ABCB7: variants seen among roughly 807,000 people sequenced by gnomAD.
ABCB7 encodes ATP binding cassette subfamily B member 7, also known as iron-sulfur clusters transporter ABCB7, mitochondrial.
Under a neutral mutation model 54.4 loss-of-function variants are expected in ABCB7, and 7 were observed. The ratio of observed to expected loss-of-function variants is 0.13; its 90% CI spans 0.07 to 0.24. The LOEUF is 0.24. ABCB7 is among the 10% of genes least tolerant of loss of function. The pLI, the probability that ABCB7 is intolerant of heterozygous loss-of-function variation, is 1.00. For synonymous variants in ABCB7, 218 were observed against 207.1 expected, an observed-to-expected ratio of 1.05 and a Z score of -0.45; for missense variants, 356 against 570.4, an observed-to-expected ratio of 0.62 and a Z score of 3.83.
At chrX:75,054,380 C>G (rs901631494) in intron 15 of ABCB7, among the ~76,000 whole-genome samples, 3 of 111,804 alleles carry the variant, frequency 2.7e-5, no homozygotes, top group African/African-American at 9.8e-5. Flanking sequence ...TACGGAGATT[C>G]AACACTCATA....
Position 75,073,997 on chromosome X carries a change from T to C in ABCB7, c.856-41A>G, listed in dbSNP as rs1403777746. 4 of 1,064,733 alleles carry C rather than the reference T, an allele frequency of 3.8e-6. No homozygotes were observed. The South Asian group carries it at 5.7e-5, about 15-fold the overall frequency. 87.7% of individuals were successfully genotyped at this position (1,064,733 alleles called of 1,213,427 possible). A position where few individuals can be genotyped will look rare whatever the true frequency, so the allele number is the denominator to read the frequency against. ...CAAAGAAGAAACGTGAAACAGTTAT[T>C]GTTCTTCCCAAACAGTTTGTAATAC... is the stretch of plus-strand genomic sequence containing the variant. On this transcript the variant is annotated intron_variant, in intron 6 of 15. Transcript: ENST00000373394.
intron 4 of ABCB7, among the ~76,000 whole-genome samples, chrX:75,082,492 G>C (rs147791667): frequency 0.022 from 2,417 of 111,836 alleles, 73 homozygotes; most frequent in African/African-American, 0.074. Flanking sequence ...GGAATATCAG[G>C]AATGAAGGAA....
At chrX:75,132,820 A>C (rs1044116218) in intron 1 of ABCB7, among the ~76,000 whole-genome samples, 2 of 112,402 alleles carry the variant, frequency 1.8e-5, no homozygotes, top group Non-Finnish European at 3.8e-5. Flanking sequence ...CAGCCCTTTG[A>C]AAACGTCCAG....
At chrX:75,077,890 A>G (rs1415040505) in intron 4 of ABCB7, among the ~76,000 whole-genome samples, 5 of 109,358 alleles carry the variant, frequency 4.6e-5, no homozygotes, top group Non-Finnish European at 9.5e-5. Context: ...GTAGCCATAT[A>G]ACCTTAGGTT....
intron 12 of ABCB7, among the ~76,000 whole-genome samples, chrX:75,067,623 T>C (rs923016691): frequency 3.6e-5 from 4 of 110,998 alleles, no homozygotes; most frequent in Non-Finnish European, 7.6e-5. Flanking sequence ...TAGCTAGGAT[T>C]ACAGACACCT....
chrX:75,087,226 T>C (rs1318568444), intron 4 of ABCB7, among the ~76,000 whole-genome samples: 1 of 111,639 alleles, frequency 9.0e-6, no homozygotes, highest in Non-Finnish European at 1.9e-5. Flanking sequence ...TTAAATTCTT[T>C]CCTGCACGAA....
rs186735573 is a variant in ABCB7, at chrX:75,098,678, T to C, written c.453+264A>G. On this transcript the variant is annotated intron_variant, in intron 4 of 15. Transcript: ENST00000373394. ...AAAGCTTCTTTTACAAAGGTGCTTATGCTTTGTTACAATCAATGCTCCTAT... is the reference window on the plus strand; with the variant it reads ...AAAGCTTCTTTTACAAAGGTGCTTACGCTTTGTTACAATCAATGCTCCTAT... Among the ~76,000 whole-genome samples, 75 of 111,946 alleles carry C rather than the reference T, an allele frequency of 6.7e-4. No homozygotes were observed. In the East Asian group the frequency reaches 0.019, roughly 29 times the overall value.
intron 12 of ABCB7, among the ~76,000 whole-genome samples, chrX:75,068,436 CAGTA>C (rs2081339064): frequency 8.9e-6 from 1 of 111,906 alleles, no homozygotes; most frequent in African/African-American, 3.2e-5. Flanking sequence ...CAAAGTAACA[CAGTA>C]AGTGTTTATT....
At chrX:75,084,383 T>C (rs2081479734) in intron 4 of ABCB7, among the ~76,000 whole-genome samples, 2 of 111,728 alleles carry the variant, frequency 1.8e-5, no homozygotes, top group Admixed American at 1.9e-4. Context: ...AAAAATTCAA[T>C]TTGGTGTTGG....
At chrX:75,126,177 T>G (rs1426459371) in intron 1 of ABCB7, among the ~76,000 whole-genome samples, 2 of 111,498 alleles carry the variant, frequency 1.8e-5, no homozygotes, top group African/African-American at 6.5e-5. Context: ...AACTTTAAAT[T>G]ATCCCACCAA....
intron 4 of ABCB7, among the ~76,000 whole-genome samples, chrX:75,092,377 A>G (rs1319677412): frequency 9.1e-6 from 1 of 110,419 alleles, no homozygotes; most frequent in Non-Finnish European, 1.9e-5. Context: ...ATGCCAATGG[A>G]AAAAAAAAGG....
intron 12 of ABCB7, among the ~76,000 whole-genome samples, chrX:75,067,458 T>A (rs2147459349): frequency 1.8e-5 from 2 of 111,145 alleles, no homozygotes; most frequent in South Asian, 7.7e-4. Flanking sequence ...TGACACACAG[T>A]TTAGATTAGT....
chrX:75,081,628 C>A (rs1436542791), intron 4 of ABCB7, among the ~76,000 whole-genome samples: 2 of 112,116 alleles, frequency 1.8e-5, no homozygotes, highest in Non-Finnish European at 3.8e-5. Context: ...CAAAGTTTTT[C>A]TGAAGAAATT....
intron 1 of ABCB7, among the ~76,000 whole-genome samples, chrX:75,137,700 TA>T (rs993391527): frequency 1.8e-5 from 2 of 111,913 alleles, no homozygotes; most frequent in African/African-American, 6.5e-5. Flanking sequence ...CACATAGCCA[TA>T]AAAAAATGAT....
intron 10 of ABCB7, among the ~76,000 whole-genome samples, 183 bp from the exon 11 acceptor site, chrX:75,069,637 A>G (rs1038554477): frequency 2.7e-5 from 3 of 111,173 alleles, no homozygotes; most frequent in African/African-American, 9.8e-5. Context: ...TGGCTAAGGT[A>G]AAACAAACCC....
chrX:75,132,404 G>A (rs2081981507), intron 1 of ABCB7, among the ~76,000 whole-genome samples: 1 of 113,274 alleles, frequency 8.8e-6, no homozygotes, highest in Admixed American at 9.2e-5. Context: ...CAGCAGCTCT[G>A]CATTTGCCTG....
chrX:75,088,795 G>T (rs2081520788), intron 4 of ABCB7, among the ~76,000 whole-genome samples: 1 of 104,734 alleles, frequency 9.5e-6, no homozygotes, highest in Non-Finnish European at 2.0e-5. Flanking sequence ...CCAAACCACA[G>T]ATCCAGGAAA....
In ABCB7 at chrX:75,052,305, A is replaced by C. The variant is rs1319001349; in HGVS notation, c.*1065T>G. 1 of 109,113 alleles carries C rather than the reference A, an allele frequency of 9.2e-6. No homozygotes were observed. Among genetic ancestry groups the C allele is most frequent in the Non-Finnish European group, 1.9e-5 (1 of 52,594 alleles). The allele number at this position is 109,113 out of a possible 1,213,427, so 9.0% of individuals were successfully genotyped here. A position where few individuals can be genotyped will look rare whatever the true frequency, so the allele number is the denominator to read the frequency against. The stretch of plus-strand genomic sequence containing the variant: ...CACGGTGAAGCCCCATCTCTACTAA[A>C]AATACAAAAAAATTAGCCAGGCATG... On this transcript the variant is annotated 3_prime_UTR_variant, in exon 16 of 16. Transcript: ENST00000373394.
At chrX:75,117,660 C>G (rs1046939136) in intron 1 of ABCB7, among the ~76,000 whole-genome samples, 1 of 111,524 alleles carries the variant, frequency 9.0e-6, no homozygotes, top group African/African-American at 3.3e-5. Flanking sequence ...CTGTCTTGCA[C>G]TTTTTGCTGA....
Sources: allele counts gnomAD v4.1 joint callset (sites outside exome capture counted in the v4.1 genomes callset), GRCh38; gene constraint gnomAD v4.1.1; transcripts MANE v1.5; gene names NCBI Gene and HGNC (gene_info 2026-07-23, HGNC 2026-07-21).